AMT: variants seen among roughly 807,000 people sequenced by gnomAD.
AMT encodes aminomethyltransferase, mitochondrial.
In AMT, 24 loss-of-function variants were observed where a neutral mutation model predicts 39.5. The ratio of observed to expected loss-of-function variants is 0.61; its 90% CI spans 0.44 to 0.86. The LOEUF (loss-of-function observed/expected upper bound fraction) is 0.86. Among genes scored for constraint, AMT ranks in the 40% least tolerant of loss-of-function variants. The probability of loss-of-function intolerance (pLI) is 0.00; values close to 1 mark genes in which losing one functional copy is unlikely to be tolerated. For missense variants in AMT, 501 were observed against 537.0 expected (o/e 0.93, Z 0.66); for synonymous variants, 210 against 212.1 (o/e 0.99, Z 0.09).
At position 49,417,750 on chromosome 3, in the gene AMT, C is replaced by G. The variant is rs370432325; in HGVS notation, c.1034-32G>C. ...AGCAAGCATAAGCCACGCATCAGCA[C>G]CACCCTGCCAGTGCCCCCACCCTCC... On this transcript the variant is annotated intron_variant, in intron 8 of 8. Coordinates refer to ENST00000273588, the MANE Select transcript of AMT (RefSeq NM_000481.4). 3 of 1,613,900 alleles carry G rather than the reference C, an allele frequency of 1.9e-6. No individual in the cohort carries two copies. The African/African-American group carries it at 4.0e-5, about 22-fold the overall frequency.
In AMT at chr3:49,417,381, A is replaced by C; in HGVS notation, c.*159T>G. 1 of 1,603,576 alleles carries C rather than the reference A, an allele frequency of 6.2e-7. No homozygotes were observed. Among genetic ancestry groups the C allele is most frequent in the Non-Finnish European group, 8.5e-7 (1 of 1,178,258 alleles). On this transcript the variant is annotated 3_prime_UTR_variant, in exon 9 of 9. Coordinates refer to ENST00000273588, the MANE Select transcript of AMT (RefSeq NM_000481.4). The stretch of plus-strand genomic sequence containing the variant: ...TCCTGAAGGAAGCTGGAATGGCATG[A>C]GTTAGGTGGGGGGAATAGGTGGTGT...
rs2107935984 is a variant in AMT at position 49,421,534 on chromosome 3, C to T, written c.297G>A (p.Glu99=). The change falls in exon 3 of 9, where the codon GAG becomes GAA. Residue 99 remains glutamate (E), a synonymous_variant. Coordinates refer to ENST00000273588, the MANE Select transcript of AMT (RefSeq NM_000481.4). ...ILGSDRVKLM[E]SLVVGDIAEL... ...CTGCAATGTCTCCAACCACTAGACT[C>T]TCCATCAGCTTCACCCGGTCACTAC... is the stretch of plus-strand genomic sequence containing the variant. 1 of 1,614,216 alleles carries T rather than the reference C, an allele frequency of 6.2e-7. No individual in the cohort carries two copies. The highest frequency in any genetic ancestry group is 8.5e-7 in the Non-Finnish European group (1 of 1,180,032).
At position 49,419,776 on chromosome 3, in the gene AMT, C is replaced by T; in HGVS notation, c.484G>A (p.Glu162Lys). ...ACATCTCTGCCCTGGTTCTGAAGCT[C>T]CCTGACCTTGTCCTAAAAGACAGAA... ...DLALMQDKVRELQNQGRDVGL... is the reference protein window; with the variant it reads ...DLALMQDKVRKLQNQGRDVGL... Residue 162 changes from glutamate to lysine, a missense_variant, in exon 5 of 9, where the codon GAG becomes AAG. By Grantham distance (56) the Glu-to-Lys change is moderately conservative. Transcript: ENST00000273588. 1 of 1,614,156 alleles carries T rather than the reference C, an allele frequency of 6.2e-7. No homozygotes were observed. The highest frequency in any genetic ancestry group is 1.3e-5 in the African/African-American group (1 of 75,026).
rs772179698 is a variant in AMT at position 49,419,134 on chromosome 3, C to A, written c.714G>T (p.Ala238=). 2.5e-6 allele frequency: 4 copies of A among 1,613,906 alleles called. No individual in the cohort carries two copies. Among genetic ancestry groups the A allele is most frequent in the South Asian group, 2.2e-5 (2 of 91,066 alleles). ...EDGVEISVPV[A]GAVHLATAIL... ...TAGCTGTTGCCAGGTGAACTGCCCCCGCTACCGGCACCGAGATCTGTATGA... is the reference window on the plus strand; with the variant it reads ...TAGCTGTTGCCAGGTGAACTGCCCCAGCTACCGGCACCGAGATCTGTATGA... Residue 238 remains alanine (A), a synonymous_variant, in exon 7 of 9, where the codon GCG becomes GCT. Transcript: ENST00000273588.
At position 49,417,992 on chromosome 3, in the gene AMT, G is replaced by A. The variant is rs1233250284; in HGVS notation, c.878-19C>T. 1 of 1,596,516 alleles carries A rather than the reference G, an allele frequency of 6.3e-7. No individual in the cohort carries two copies. Among genetic ancestry groups the A allele is most frequent in the Non-Finnish European group, 8.5e-7 (1 of 1,172,706 alleles). ...CGCTTCCCTGGAGAATGACACATGA[G>A]ACATAAGCCACAGCCCATAGAAGCC... On this transcript the variant is annotated intron_variant, in intron 7 of 8. Transcript: ENST00000273588.
At chr3:49,418,903 G>T in intron 7 of AMT, 68 bp downstream of exon 7, 3 of 1,537,436 alleles carry the variant, frequency 2.0e-6, no homozygotes, top group Non-Finnish European at 2.7e-6. Flanking sequence ...TGAGTCATGG[G>T]CTGGCTAGTC....
At chr3:49,419,913 G>C in intron 4 of AMT, 125 bp from the exon 5 acceptor site, 2 of 981,066 alleles carry the variant, frequency 2.0e-6, no homozygotes, top group Non-Finnish European at 3.3e-6. Flanking sequence ...AAAAAAAAAG[G>C]TAGTAGGCTG....
Position 49,417,193 on chromosome 3 carries a change from T to G in AMT, c.*347A>C. The G allele has an allele frequency of 7.2e-7, 1 of 1,394,840 alleles. No homozygotes were observed. The allele number at this position is 1,394,840 out of a possible 1,614,324, so 86.4% of individuals were successfully genotyped here. On this transcript the variant is annotated 3_prime_UTR_variant, in exon 9 of 9. Transcript: ENST00000273588. ...GAGGTAGGTTGGGCAGGTTTTATCC[T>G]CTCCACAAAGGTGAGCCTTTGCTCC...
At chr3:49,422,296 A>T in intron 1 of AMT, 25 bp from the exon 2 acceptor site, 2 of 1,613,576 alleles carry the variant, frequency 1.2e-6, no homozygotes, top group Non-Finnish European at 1.7e-6. Flanking sequence ...GCTTAGTGCC[A>T]CCAGGGCCCT....
chr3:49,418,494 C>CTTTTTTTT lies in AMT; in HGVS notation c.877+469_877+476dup, dbSNP rs3049036. On this transcript the variant is annotated intron_variant, in intron 7 of 8. Coordinates refer to ENST00000273588, the MANE Select transcript of AMT (RefSeq NM_000481.4). ...CCATGCCCGGCAGCATCTTCAGTTT[C>CTTTTTTTT]TTTTTTTTTTTTTTTTTTTTTTTTG... is the stretch of plus-strand genomic sequence containing the variant. 3.5e-3 allele frequency: 224 copies of CTTTTTTTT among 64,666 alleles called. 17 individuals carry two copies. Among genetic ancestry groups the CTTTTTTTT allele is most frequent in the East Asian group, 0.013 (23 of 1,728 alleles). The allele number at this position is 64,666 out of a possible 1,614,324, so 4.0% of individuals were successfully genotyped here.
chr3:49,417,820 A>G lies in AMT; in HGVS notation c.1031T>C (p.Ile344Thr), dbSNP rs1030409681. 8 of 1,613,946 alleles carry G rather than the reference A, an allele frequency of 5.0e-6. No individual in the cohort carries two copies. The highest frequency in any genetic ancestry group is 5.9e-6 in the Non-Finnish European group (7 of 1,179,980). The change falls in exon 8 of 9, where the codon ATT (isoleucine) becomes ACT (threonine). Residue 344 changes from isoleucine (I) to threonine (T), a missense_variant and splice_region_variant. Ile to Thr is a moderately conservative substitution (Grantham distance 89, BLOSUM62 -1). Transcript: ENST00000273588. ...CCCAGCTTCCCTGGTCCACCTACCAATCTTGGTACCCTCCATGTTCAGGAT... is the reference window on the plus strand; with the variant it reads ...CCCAGCTTCCCTGGTCCACCTACCAGTCTTGGTACCCTCCATGTTCAGGAT... Reference protein sequence around the residue: ...SPILNMEGTKIGTVTSGCPSP... With the variant: ...SPILNMEGTKTGTVTSGCPSP...
Position 49,420,197 on chromosome 3 carries a change from CAGAG to C in AMT, c.471+10_471+13del. 1 of 1,614,170 alleles carries C rather than the reference CAGAG, an allele frequency of 6.2e-7. No homozygotes were observed. Among genetic ancestry groups the C allele is most frequent in the Middle Eastern group, 1.6e-4 (1 of 6,062 alleles). On this transcript the variant is annotated intron_variant, in intron 4 of 8. Coordinates refer to ENST00000273588, the MANE Select transcript of AMT (RefSeq NM_000481.4). ...CAAGGAAGACAAGGTGTCTAGAACACAGAGGGGGTATACCTGCATGAGGGCCAAA... is the reference window on the plus strand; with the variant it reads ...CAAGGAAGACAAGGTGTCTAGAACACGGGGTATACCTGCATGAGGGCCAAA...
chr3:49,420,567 G>A (rs2049083176), intron 3 of AMT: 1 of 580,016 alleles, frequency 1.7e-6, no homozygotes, highest in Non-Finnish European at 3.1e-6. Context: ...TCCCTGATCT[G>A]GTGCAACCTC....
chr3:49,419,862 G>T, intron 4 of AMT, 74 bp from the exon 5 acceptor site: 2 of 1,391,878 alleles, frequency 1.4e-6, no homozygotes, highest in Non-Finnish European at 2.0e-6. Flanking sequence ...CTGCAGAGCT[G>T]GACAGTAGTA....
intron 3 of AMT, chr3:49,420,748 T>C (rs2049086997): frequency 7.5e-6 from 2 of 266,220 alleles, no homozygotes; most frequent in South Asian, 4.2e-5. Context: ...AAGTACTCCA[T>C]AGCAATGCCC....
At chr3:49,419,653 C>A (rs962354821) in intron 5 of AMT, 57 bp downstream of exon 5, 1 of 1,547,130 alleles carries the variant, frequency 6.5e-7, no homozygotes, top group African/African-American at 1.4e-5. Flanking sequence ...CTGTGCTAAG[C>A]AGTCAATGAA....
intron 3 of AMT, 77 bp from the exon 4 acceptor site, chr3:49,420,419 C>T (rs2049080583): frequency 1.2e-6 from 2 of 1,607,986 alleles, no homozygotes; most frequent in Non-Finnish European, 1.7e-6. Context: ...CAACCCTGGA[C>T]CCACTTAGTT....
intron 3 of AMT, 110 bp from the exon 4 acceptor site, chr3:49,420,452 T>A: frequency 6.6e-7 from 1 of 1,516,380 alleles, no homozygotes; most frequent in East Asian, 2.3e-5. Context: ...TGAACCCTAA[T>A]GTGAAGGACT....
chr3:49,418,187 C>G (rs74504822), intron 7 of AMT: 2 of 510,796 alleles, frequency 3.9e-6, no homozygotes, highest in Admixed American at 6.7e-5. Flanking sequence ...TCTTCAGTTT[C>G]TTTTTTTTTT....
Sources: allele counts gnomAD v4.1 joint callset, GRCh38; gene constraint gnomAD v4.1.1; transcripts MANE v1.5; gene names NCBI Gene and HGNC (gene_info 2026-07-23, HGNC 2026-07-21).